The following NRG3 variants were observed in gnomAD, a reference collection of about 807,000 sequenced individuals.
NRG3 encodes the protein neuregulin 3.
A neutral mutation model predicts 66.9 loss-of-function variants in NRG3; 31 were observed. The ratio of observed to expected loss-of-function variants is 0.46; its 90% CI spans 0.35 to 0.63. NRG3 has a LOEUF of 0.63. NRG3 is among the 20% of genes least tolerant of loss of function. The pLI, the probability that NRG3 is intolerant of heterozygous loss-of-function variation, is 0.00. For missense variants in NRG3, 910 were observed against 878.9 expected (o/e 1.04, Z -0.45); for synonymous variants, 393 against 359.4 (o/e 1.09, Z -1.06).
At chr10:82,712,778 A>G (rs985325363) in intron 2 of NRG3, among the ~76,000 whole-genome samples, 1 of 152,136 alleles carries the variant, frequency 6.6e-6, no homozygotes, top group Non-Finnish European at 1.5e-5. Flanking sequence ...CACGTGGAAC[A>G]TGAGAATATT....
chr10:82,045,972 C>A (rs2063273578), intron 1 of NRG3, among the ~76,000 whole-genome samples: 1 of 150,956 alleles, frequency 6.6e-6, no homozygotes, highest in Admixed American at 6.6e-5. Context: ...TTACTGTAGT[C>A]TTGTAGTATA....
At chr10:82,611,008 A>G (rs1203817987) in intron 2 of NRG3, among the ~76,000 whole-genome samples, 1 of 152,084 alleles carries the variant, frequency 6.6e-6, no homozygotes, top group African/African-American at 2.4e-5. Context: ...TATTTTAATG[A>G]TTATAAATAT....
chr10:82,408,046 C>CAA (rs2087674058), intron 2 of NRG3, among the ~76,000 whole-genome samples: 3 of 54,424 alleles, frequency 5.5e-5, no homozygotes, highest in African/African-American at 2.5e-4. Flanking sequence ...AAGACTACAT[C>CAA]GAGAGAGAGA....
chr10:82,617,322 A>G (rs2048730609), intron 2 of NRG3, among the ~76,000 whole-genome samples: 1 of 149,742 alleles, frequency 6.7e-6, no homozygotes, highest in Admixed American at 6.7e-5. Context: ...ACGCACACAT[A>G]GACACACACA....
At chr10:82,646,768 G>A (rs545846471) in intron 2 of NRG3, among the ~76,000 whole-genome samples, 1 of 152,072 alleles carries the variant, frequency 6.6e-6, no homozygotes, top group African/African-American at 2.4e-5. Flanking sequence ...GGGGAGCAGA[G>A]ATCAGACCAT....
intron 1 of NRG3, among the ~76,000 whole-genome samples, chr10:81,967,294 T>G (rs1167211887): frequency 7.2e-5 from 11 of 151,876 alleles, no homozygotes; most frequent in Admixed American, 7.2e-4. Context: ...AAGATTTATC[T>G]TAACATTTTT....
chr10:81,964,615 G>A (rs1440751958), intron 1 of NRG3, among the ~76,000 whole-genome samples: 1 of 152,076 alleles, frequency 6.6e-6, no homozygotes, highest in Non-Finnish European at 1.5e-5. Flanking sequence ...ATGTGACCCT[G>A]TGTCTAGAAT....
At chr10:81,876,265 C>A in intron 1 of NRG3, 102 bp downstream of exon 1, 1 of 1,440,156 alleles carries the variant, frequency 6.9e-7, no homozygotes, top group Non-Finnish European at 9.3e-7. Flanking sequence ...AAGCCCCCTC[C>A]CCCATCCCAG....
At chr10:82,862,689 C>A (rs1201632545) in intron 3 of NRG3, among the ~76,000 whole-genome samples, 3 of 152,132 alleles carry the variant, frequency 2.0e-5, no homozygotes, top group Non-Finnish European at 4.4e-5. Context: ...TGTTGCACCT[C>A]ACTTTGCAAT....
At chr10:81,976,661 A>T (rs2060134466) in intron 1 of NRG3, among the ~76,000 whole-genome samples, 1 of 152,198 alleles carries the variant, frequency 6.6e-6, no homozygotes, top group Non-Finnish European at 1.5e-5. Flanking sequence ...GAGCAGATAA[A>T]CTGTCACCCA....
intron 2 of NRG3, among the ~76,000 whole-genome samples, chr10:82,586,622 C>G (rs2046685959): frequency 6.6e-6 from 1 of 152,042 alleles, no homozygotes; most frequent in South Asian, 2.1e-4. Context: ...TTGCTTAGAA[C>G]AGTACTTGGT....
rs187046556 is a variant in NRG3 at position 82,518,102 on chromosome 10, G to A, written c.953+159234G>A. On this transcript the variant is annotated intron_variant, in intron 2 of 8. Transcript: ENST00000372141. Reference sequence around the variant, plus strand: ...TACATTTACTGTTGACATAGGACATGTTTCTTAAACTTTACTAGCCTGTAA... The same window carrying A: ...TACATTTACTGTTGACATAGGACATATTTCTTAAACTTTACTAGCCTGTAA... Among the ~76,000 whole-genome samples, 179 of 152,240 alleles carry A rather than the reference G, an allele frequency of 1.2e-3. 1 individual carries two copies. The highest frequency in any genetic ancestry group is 4.0e-3 in the African/African-American group (167 of 41,544).
chr10:82,528,042 C>T (rs1846893942), intron 2 of NRG3, among the ~76,000 whole-genome samples: 1 of 152,096 alleles, frequency 6.6e-6, no homozygotes, highest in African/African-American at 2.4e-5. Context: ...CCTCCTTTCC[C>T]CCAGCCTTCC....
At chr10:81,966,007 A>C (rs1213213125) in intron 1 of NRG3, among the ~76,000 whole-genome samples, 1 of 151,988 alleles carries the variant, frequency 6.6e-6, no homozygotes, top group African/African-American at 2.4e-5. Context: ...CATTTAGTAT[A>C]ATGTATACTT....
chr10:82,047,324 G>C (rs1283949148), intron 1 of NRG3, among the ~76,000 whole-genome samples: 3 of 152,058 alleles, frequency 2.0e-5, no homozygotes, highest in Non-Finnish European at 4.4e-5. Context: ...TGAAATGAAG[G>C]AGAAAATGTT....
intron 1 of NRG3, among the ~76,000 whole-genome samples, chr10:82,039,197 G>C (rs765025334): frequency 1.3e-5 from 2 of 152,092 alleles, no homozygotes; most frequent in Non-Finnish European, 2.9e-5. Flanking sequence ...CTGTTTGTGA[G>C]TGATGATTAG....
Position 82,629,492 on chromosome 10 carries a change from A to C in NRG3, c.954-109085A>C, listed in dbSNP as rs188767868. Among the ~76,000 whole-genome samples the C allele has an allele frequency of 5.5e-4, 84 of 152,350 alleles. 1 individual carries two copies. The South Asian group carries it at 0.01, about 18-fold the overall frequency. Reference sequence around the variant, plus strand: ...AAGATGCAGAGTGCTGTAGGTGTGTACATTCTTAAATGAAACATACACCAG... The same window carrying C: ...AAGATGCAGAGTGCTGTAGGTGTGTCCATTCTTAAATGAAACATACACCAG... On this transcript the variant is annotated intron_variant, in intron 2 of 8. Transcript: ENST00000372141.
chr10:82,676,484 T>C (rs995313241), intron 2 of NRG3, among the ~76,000 whole-genome samples: 1 of 152,128 alleles, frequency 6.6e-6, no homozygotes, highest in Admixed American at 6.6e-5. Context: ...TTTGTGGTTT[T>C]TTTGTTTGTT....
intron 4 of NRG3, among the ~76,000 whole-genome samples, chr10:82,916,895 C>G (rs553188115): frequency 6.6e-6 from 1 of 152,172 alleles, no homozygotes; most frequent in Non-Finnish European, 1.5e-5. Context: ...GGATTACAGG[C>G]GTAAGCCACT....
Sources: allele counts gnomAD v4.1 joint callset (sites outside exome capture counted in the v4.1 genomes callset), GRCh38; gene constraint gnomAD v4.1.1; transcripts MANE v1.5; gene names NCBI Gene and HGNC (gene_info 2026-07-23, HGNC 2026-07-21).